ADGRV1: variants seen among roughly 807,000 people sequenced by gnomAD.
ADGRV1 encodes the protein G-protein coupled receptor 98.
In ADGRV1, 359 loss-of-function variants were observed where a neutral mutation model predicts 596.2. That is an observed-to-expected ratio of 0.60 (90% CI 0.55 to 0.66). The LOEUF (loss-of-function observed/expected upper bound fraction) is 0.66. Among genes scored for constraint, ADGRV1 ranks in the 30% least tolerant of loss-of-function variants. ADGRV1 has a pLI of 0.00. For synonymous variants in ADGRV1, 2,681 were observed against 2,679.2 expected (o/e 1.00, Z -0.02); for missense variants, 7,274 against 7,575.6 (o/e 0.96, Z 1.48).
intron 83 of ADGRV1, among the ~76,000 whole-genome samples, chr5:90,886,173 A>G (rs59259750): frequency 0.11 from 16,564 of 152,100 alleles, 1,474 homozygotes; most frequent in African/African-American, 0.24. Context: ...GAAATTGCTC[A>G]AAGGAACTCT....
intron 43 of ADGRV1, chr5:90,718,561 A>AT (rs1750464074): frequency 1.3e-5 from 2 of 152,092 alleles, no homozygotes; most frequent in African/African-American, 4.8e-5. Flanking sequence ...TCTAATAATT[A>AT]TTTTTTTAAA....
intron 52 of ADGRV1, among the ~76,000 whole-genome samples, chr5:90,749,915 A>T (rs183553469): frequency 5.3e-5 from 8 of 152,318 alleles, no homozygotes; most frequent in Admixed American, 3.3e-4. Flanking sequence ...GGCAGGAAAA[A>T]ACAGTTGTAA....
At chr5:90,661,193 A>G (rs1046611733) in intron 21 of ADGRV1, among the ~76,000 whole-genome samples, 1 of 152,184 alleles carries the variant, frequency 6.6e-6, no homozygotes, top group Non-Finnish European at 1.5e-5. Flanking sequence ...CACTGTTTTT[A>G]CGTGTCCTGC....
intron 34 of ADGRV1, among the ~76,000 whole-genome samples, chr5:90,699,709 C>A (rs572667064): frequency 1.3e-5 from 2 of 152,240 alleles, no homozygotes; most frequent in East Asian, 1.9e-4. Flanking sequence ...GACACGGAGG[C>A]CCTCCTGCTG....
At chr5:91,133,149 G>A (rs1265038500) in intron 87 of ADGRV1, among the ~76,000 whole-genome samples, 1 of 152,170 alleles carries the variant, frequency 6.6e-6, no homozygotes, top group Non-Finnish European at 1.5e-5. Flanking sequence ...GGGTACGTGT[G>A]CAGGTTTGTT....
intron 85 of ADGRV1, among the ~76,000 whole-genome samples, chr5:90,997,741 C>T (rs985112017): frequency 2.0e-5 from 3 of 151,976 alleles, no homozygotes; most frequent in African/African-American, 7.3e-5. Flanking sequence ...AGTCAAATAC[C>T]AACTCAGGCA....
Position 90,693,908 on chromosome 5 carries a change from G to A in ADGRV1, c.7152G>A (p.Arg2384=). The A allele has an allele frequency of 1.3e-6, 2 of 1,561,350 alleles. No homozygotes were observed. The highest frequency in any genetic ancestry group is 1.7e-6 in the Non-Finnish European group (2 of 1,151,984). Residue 2384 remains arginine (R), a synonymous_variant, in exon 33 of 90, where the codon CGG becomes CGA. Coordinates refer to ENST00000405460, the MANE Select transcript of ADGRV1 (RefSeq NM_032119.4). ...ATTTTAGCGGAGGGCACTTTGGTCG[G>A]CTGTTGTTGTTCTACAGTACTTCCG... ...TVRRSGGHFG[R]LLLFYSTSDI...
Position 90,694,141 on chromosome 5 carries a change from A to C in ADGRV1, c.7385A>C (p.Gln2462Pro). ...TTTTTCAGTGCTTCTGAGGGTCCCC[A>C]GTGTTTCTGGATGACATCATGGATC... ...FSFFSASEGP[Q>P]CFWMTSWISP... The change falls in exon 33 of 90, where the codon CAG becomes CCG. Residue 2462 changes from glutamine to proline, a missense_variant. Physicochemically the swap from Gln to Pro is moderately conservative, Grantham distance 76. Coordinates refer to ENST00000405460, the MANE Select transcript of ADGRV1 (RefSeq NM_032119.4). The C allele has an allele frequency of 6.2e-7, 1 of 1,613,814 alleles. No individual in the cohort carries two copies. Among genetic ancestry groups the C allele is most frequent in the South Asian group, 1.1e-5 (1 of 91,070 alleles).
At chr5:90,689,064 T>C (rs16868980) in intron 29 of ADGRV1, among the ~76,000 whole-genome samples, 48,062 of 152,058 alleles carry the variant, frequency 0.32, 8,119 homozygotes, top group Admixed American at 0.47. Flanking sequence ...TTCGAATCTT[T>C]CTAGTGTGCT....
At chr5:90,562,597 G>A (rs1184376429) in intron 1 of ADGRV1, among the ~76,000 whole-genome samples, 5 of 152,146 alleles carry the variant, frequency 3.3e-5, no homozygotes. Flanking sequence ...GCCCTTTTCT[G>A]GTGCAGTCAC....
intron 83 of ADGRV1, among the ~76,000 whole-genome samples, chr5:90,907,671 G>T (rs73771117): frequency 0.15 from 22,780 of 151,908 alleles, 2,328 homozygotes; most frequent in East Asian, 0.34. Flanking sequence ...AAATGGCTGG[G>T]CATTTGAAGA....
At chr5:90,569,372 TATATATA>T (rs1756113398) in intron 1 of ADGRV1, among the ~76,000 whole-genome samples, 1 of 26,458 alleles carries the variant, frequency 3.8e-5, no homozygotes, top group African/African-American at 1.8e-4. Flanking sequence ...TATATATATA[TATATATA>T]TATATATATT....
At chr5:90,848,871 T>C in intron 79 of ADGRV1, 50 bp downstream of exon 79, 1 of 1,345,032 alleles carries the variant, frequency 7.4e-7, no homozygotes, top group African/African-American at 1.5e-5. Context: ...TTTTTTTCAC[T>C]GTTTACAAAG....
intron 1 of ADGRV1, among the ~76,000 whole-genome samples, chr5:90,605,467 A>ATTGCCC (rs1762002823): frequency 1.3e-5 from 2 of 151,790 alleles, no homozygotes; most frequent in Non-Finnish European, 2.9e-5. Flanking sequence ...ATTAGATCAG[A>ATTGCCC]TATTTACTTG....
intron 86 of ADGRV1, among the ~76,000 whole-genome samples, chr5:91,087,767 T>C (rs566046136): frequency 9.3e-4 from 141 of 152,326 alleles, no homozygotes; most frequent in Non-Finnish European, 1.3e-3. Flanking sequence ...TGGGAGGCAC[T>C]AATAGTATAT....
At chr5:91,058,799 C>G (rs577451668) in intron 85 of ADGRV1, among the ~76,000 whole-genome samples, 1 of 152,116 alleles carries the variant, frequency 6.6e-6, no homozygotes, top group Admixed American at 6.5e-5. Flanking sequence ...TCCCCTCATG[C>G]GGACGTGCTG....
chr5:90,638,804 A>G (rs1286336043), intron 11 of ADGRV1, among the ~76,000 whole-genome samples: 2 of 152,196 alleles, frequency 1.3e-5, no homozygotes, highest in African/African-American at 4.8e-5. Flanking sequence ...TATATAGTCC[A>G]TGGATCTCTC....
At chr5:90,821,633 C>T (rs1332183152) in intron 75 of ADGRV1, among the ~76,000 whole-genome samples, 1 of 151,192 alleles carries the variant, frequency 6.6e-6, no homozygotes, top group Admixed American at 6.6e-5. Flanking sequence ...TTCCTTCTAA[C>T]AGACAGGACC....
chr5:90,823,599 A>C lies in ADGRV1; in HGVS notation c.16368+3A>C, dbSNP rs1763804952. 8 of 1,611,976 alleles carry C rather than the reference A, an allele frequency of 5.0e-6. No individual in the cohort carries two copies. The highest frequency in any genetic ancestry group is 6.8e-6 in the Non-Finnish European group (8 of 1,178,314). ...GCATTGAACTCAAACCAGAAAAGGT[A>C]AGAAATGAAGAGACACACTAGTGTC... On this transcript the variant is annotated splice_donor_region_variant and intron_variant, in intron 76 of 89. Coordinates refer to ENST00000405460, the MANE Select transcript of ADGRV1 (RefSeq NM_032119.4).
Sources: gnomAD v4.1 joint callset for allele counts (sites outside exome capture counted in the v4.1 genomes callset) on GRCh38, gnomAD v4.1.1 for gene constraint, MANE v1.5 for transcripts, NCBI Gene and HGNC (gene_info 2026-07-23, HGNC 2026-07-21) for gene names.